The following MCMDC2 variants were observed in gnomAD, a reference collection of about 807,000 sequenced individuals.
MCMDC2 encodes the protein minichromosome maintenance domain containing 2, also known as minichromosome maintenance domain-containing protein 2.
In MCMDC2, 54 loss-of-function variants were observed where a neutral mutation model predicts 75.8. That is an observed-to-expected ratio of 0.71 (90% CI 0.57 to 0.89). The LOEUF is 0.89. Ranked by LOEUF, MCMDC2 falls within the 40% of genes least tolerant of loss-of-function variation. The pLI, the probability that MCMDC2 is intolerant of heterozygous loss-of-function variation, is 0.00. For synonymous variants in MCMDC2, 249 were observed against 274.6 expected (o/e 0.91, Z 0.92); for missense variants, 656 against 780.4 (o/e 0.84, Z 1.90).
At position 66,874,195 on chromosome 8, in the gene MCMDC2, G is replaced by C; in HGVS notation, c.55G>C (p.Gly19Arg). ...CCTCATCTATCTTGACAGAAGTGGA[G>C]GCCTCCAAAAGTTTATAGATGATTG... is the stretch of plus-strand genomic sequence containing the variant. ...AALIYLDRSG[G>R]LQKFIDDCKY... Residue 19 changes from glycine to arginine, a missense_variant, in exon 2 of 15, where the codon GGC (glycine) becomes CGC (arginine). By Grantham distance (125) the Gly-to-Arg change is moderately radical. Transcript: ENST00000422365. 6.2e-7 allele frequency: 1 copy of C among 1,611,266 alleles called. No homozygotes were observed. The highest frequency in any genetic ancestry group is 2.2e-5 in the East Asian group (1 of 44,818).
chr8:66,880,717 A>G (rs977134533), intron 7 of MCMDC2, 132 bp from the exon 8 acceptor site: 3 of 910,546 alleles, frequency 3.3e-6, no homozygotes, highest in East Asian at 3.4e-5. Flanking sequence ...TATGGATATT[A>G]TCCTAAACAA....
In MCMDC2 at chr8:66,920,913, T is replaced by G. The variant is rs1286058579; in HGVS notation, c.*1744T>G. 6.6e-6 allele frequency: 1 copy of G among 152,160 alleles called. No homozygotes were observed. Among genetic ancestry groups the G allele is most frequent in the African/African-American group, 2.4e-5 (1 of 41,444 alleles). 9.4% of individuals were successfully genotyped at this position (152,160 alleles called of 1,614,324 possible). ...GTCTCAAGTCATCCTCCCATCTCAG[T>G]ACCTCAGCTTCCCAGTGTTGGGATT... On this transcript the variant is annotated 3_prime_UTR_variant, in exon 15 of 15. Transcript: ENST00000422365.
chr8:66,900,951 T>C (rs1054847203), intron 12 of MCMDC2, among the ~76,000 whole-genome samples: 4 of 152,204 alleles, frequency 2.6e-5, no homozygotes, highest in African/African-American at 4.8e-5. Context: ...CGTTGTAAAG[T>C]CATTCAAATA....
chr8:66,890,910 T>C lies in MCMDC2; in HGVS notation c.1119T>C (p.His373=), dbSNP rs557319969. ...ACCTTGTCCCCCGTGGTATACGTCA[T>C]CTAGTCTCTACTGAAATTTTTCCCA... The part of the protein sequence containing the change: ...SINLVPRGIR[H]LVSTEIFPTL... Residue 373 remains histidine, a synonymous_variant, in exon 10 of 15, where the codon CAT becomes CAC. Coordinates refer to ENST00000422365, the MANE Select transcript of MCMDC2 (RefSeq NM_173518.5). 102 of 1,613,660 alleles carry C rather than the reference T, an allele frequency of 6.3e-5. No homozygotes were observed. In the South Asian group the frequency reaches 1.0e-3, roughly 17 times the overall value.
chr8:66,902,711 A>AAAAAAAAAAAT (rs1467425752), intron 13 of MCMDC2, among the ~76,000 whole-genome samples: 4 of 67,916 alleles, frequency 5.9e-5, no homozygotes, highest in African/African-American at 2.2e-4. Context: ...AAAAAAAAAA[A>AAAAAAAAAAAT]ATATATATAT....
intron 14 of MCMDC2, among the ~76,000 whole-genome samples, chr8:66,912,114 A>G (rs1242090148): frequency 6.6e-6 from 1 of 152,202 alleles, no homozygotes; most frequent in Non-Finnish European, 1.5e-5. Context: ...AAGAACATTC[A>G]TGATTTATGG....
At chr8:66,915,192 G>A (rs766198987) in intron 14 of MCMDC2, among the ~76,000 whole-genome samples, 1 of 152,044 alleles carries the variant, frequency 6.6e-6, no homozygotes, top group Non-Finnish European at 1.5e-5. Flanking sequence ...GCCAGGAGCG[G>A]TGGCTCACGC....
intron 8 of MCMDC2, among the ~76,000 whole-genome samples, chr8:66,882,778 AG>A (rs1811650631): frequency 6.6e-6 from 1 of 152,348 alleles, no homozygotes; most frequent in South Asian, 2.1e-4. Context: ...TGAAGAGAAA[AG>A]CTTCTTAAAA....
intron 5 of MCMDC2, among the ~76,000 whole-genome samples, chr8:66,877,797 C>T (rs978986740): frequency 2.1e-5 from 3 of 146,110 alleles, no homozygotes; most frequent in African/African-American, 7.7e-5. Context: ...CCAGGGAGGT[C>T]GGGGCTGCAG....
chr8:66,875,727 A>G (rs1190245783), intron 4 of MCMDC2, among the ~76,000 whole-genome samples: 3 of 152,244 alleles, frequency 2.0e-5, no homozygotes, highest in African/African-American at 4.8e-5. Flanking sequence ...AATCAGGACC[A>G]AAACAAGGTT....
chr8:66,909,783 G>C (rs556391659), intron 14 of MCMDC2, among the ~76,000 whole-genome samples: 1 of 152,148 alleles, frequency 6.6e-6, no homozygotes, highest in Non-Finnish European at 1.5e-5. Context: ...ATTCAAGCAG[G>C]GCAGAAATTT....
chr8:66,884,044 C>A, intron 9 of MCMDC2, 50 bp downstream of exon 9: 2 of 1,165,588 alleles, frequency 1.7e-6, no homozygotes, highest in South Asian at 1.2e-5. Flanking sequence ...CACAGATTTG[C>A]ATACATCCTT....
At chr8:66,880,035 GTTT>G (rs1198030058) in intron 7 of MCMDC2, among the ~76,000 whole-genome samples, 1 of 152,130 alleles carries the variant, frequency 6.6e-6, no homozygotes. Flanking sequence ...TTTTTAGTAT[GTTT>G]TTTAAAATAA....
At chr8:66,902,711 A>AAAAAAAATATATATAT (rs1467425752) in intron 13 of MCMDC2, among the ~76,000 whole-genome samples, 1 of 67,930 alleles carries the variant, frequency 1.5e-5, no homozygotes, top group African/African-American at 7.3e-5. Flanking sequence ...AAAAAAAAAA[A>AAAAAAAATATATATAT]ATATATATAT....
At chr8:66,902,717 T>A (rs1446986488) in intron 13 of MCMDC2, among the ~76,000 whole-genome samples, 2,208 of 114,862 alleles carry the variant, frequency 0.019, 83 homozygotes, top group African/African-American at 0.057. Flanking sequence ...AAAAAATATA[T>A]ATATATATAT....
At chr8:66,877,568 A>G (rs1172271172) in intron 5 of MCMDC2, 24 bp downstream of exon 5, 2 of 1,554,138 alleles carry the variant, frequency 1.3e-6, no homozygotes, top group African/African-American at 2.8e-5. Context: ...AGGAAAATCA[A>G]AGCATTAAGC....
Position 66,877,559 on chromosome 8 carries a change from G to C in MCMDC2, c.481+15G>C. 6.3e-7 allele frequency: 1 copy of C among 1,580,160 alleles called. No individual in the cohort carries two copies. The highest frequency in any genetic ancestry group is 8.6e-7 in the Non-Finnish European group (1 of 1,165,248). On this transcript the variant is annotated intron_variant, in intron 5 of 14. Coordinates refer to ENST00000422365, the MANE Select transcript of MCMDC2 (RefSeq NM_173518.5). ...TCTTTCAAAAGGTAAATGTTAAATA[G>C]GAAAATCAAAGCATTAAGCAATTGG...
At chr8:66,902,017 G>A (rs1424812603) in intron 13 of MCMDC2, among the ~76,000 whole-genome samples, 1 of 151,896 alleles carries the variant, frequency 6.6e-6, no homozygotes. Flanking sequence ...GCAGGTGGGT[G>A]GCTTGAGCTC....
Position 66,883,986 on chromosome 8 carries a change from C to T in MCMDC2, c.1065C>T (p.Leu355=), listed in dbSNP as rs757156510. ...DILIITSDTL[L]IDRLLNFSIN... is the part of the protein sequence containing the mutation. ...TAATTATAACAAGTGATACTCTACT[C>T]ATAGACAGGTATATATGTGACATGA... Residue 355 remains leucine, a synonymous_variant, in exon 9 of 15, where the codon CTC becomes CTT. Coordinates refer to ENST00000422365, the MANE Select transcript of MCMDC2 (RefSeq NM_173518.5). 9.9e-5 allele frequency: 158 copies of T among 1,597,814 alleles called. No homozygotes were observed. Among genetic ancestry groups the T allele is most frequent in the Non-Finnish European group, 1.3e-4 (157 of 1,165,820 alleles).
Sources: allele counts gnomAD v4.1 joint callset (sites outside exome capture counted in the v4.1 genomes callset), GRCh38; gene constraint gnomAD v4.1.1; transcripts MANE v1.5; gene names NCBI Gene and HGNC (gene_info 2026-07-23, HGNC 2026-07-21).